The following RYR1 variants were observed in gnomAD, a reference collection of about 807,000 sequenced individuals.
RYR1 encodes ryanodine receptor 1.
RYR1 carries 342 observed loss-of-function variants against 583.5 expected under a neutral mutation model. That is an observed-to-expected ratio of 0.59 (90% confidence interval 0.54 to 0.64). RYR1 has a LOEUF of 0.64. RYR1 is among the 30% of genes least tolerant of loss of function. The pLI is 0.00. For missense variants in RYR1, 6,032 were observed against 6,917.2 expected (o/e 0.87, Z 4.54); for synonymous variants, 2,791 against 2,822.5 (o/e 0.99, Z 0.35).
chr19:38,571,885 C>T (rs1227757472), intron 94 of RYR1, 134 bp from the exon 95 acceptor site: 3 of 1,341,464 alleles, frequency 2.2e-6, no homozygotes, highest in Non-Finnish European at 3.1e-6. Flanking sequence ...AGGCCCAACC[C>T]TTGATCTTGA....
intron 33 of RYR1, among the ~76,000 whole-genome samples, chr19:38,484,517 C>T (rs1969184471): frequency 7.0e-6 from 1 of 143,544 alleles, no homozygotes; most frequent in African/African-American, 2.8e-5. Flanking sequence ...TTGGGTCCCT[C>T]CTATGTGCTA....
rs2145351914 is a variant in RYR1 at position 38,446,689 on chromosome 19, C to T, written c.726-5C>T. ...CCTTGACTTCACTCTCTTCTGTGTC[C>T]CCAGACTTGTCTACTATGAGGGGGG... On this transcript the variant is annotated splice_polypyrimidine_tract_variant and splice_region_variant and intron_variant, in intron 8 of 105. Transcript: ENST00000359596. 2 of 1,613,732 alleles carry T rather than the reference C, an allele frequency of 1.2e-6. No individual in the cohort carries two copies. The highest frequency in any genetic ancestry group is 1.7e-6 in the Non-Finnish European group (2 of 1,179,710).
chr19:38,531,640 C>T (rs1971744633), intron 76 of RYR1, among the ~76,000 whole-genome samples: 1 of 152,144 alleles, frequency 6.6e-6, no homozygotes, highest in Non-Finnish European at 1.5e-5. Flanking sequence ...GCAAACCTCA[C>T]TGAATGGGCC....
rs1267493068 is a variant in RYR1 at position 38,569,618 on chromosome 19, C to A, written c.13660-989C>A. On this transcript the variant is annotated intron_variant, in intron 93 of 105. Transcript: ENST00000359596. ...CAGGGCGACAGGTGGGGTGACCTCA[C>A]TCAGGAAGCAGCATGGCCAAGTGGC... Among the ~76,000 whole-genome samples the A allele has an allele frequency of 2.0e-5, 3 of 152,062 alleles. No individual in the cohort carries two copies. The South Asian group carries it at 6.2e-4, about 32-fold the overall frequency.
chr19:38,441,773 T>C (rs1018489508), intron 2 of RYR1, among the ~76,000 whole-genome samples: 3 of 151,916 alleles, frequency 2.0e-5, no homozygotes, highest in African/African-American at 7.2e-5. Context: ...GAGTGGGGTC[T>C]GAGGAGCAGA....
At chr19:38,554,327 C>A in intron 89 of RYR1, among the ~76,000 whole-genome samples, 1 of 149,604 alleles carries the variant, frequency 6.7e-6, no homozygotes, top group Non-Finnish European at 1.5e-5. Flanking sequence ...TGGCATGCAC[C>A]TGTAATCCCA....
chr19:38,583,163 G>C (rs1005198885), intron 101 of RYR1, among the ~76,000 whole-genome samples: 2 of 152,040 alleles, frequency 1.3e-5, no homozygotes, highest in African/African-American at 4.8e-5. Flanking sequence ...GGGATGTGGT[G>C]GTGGGCGCCT....
chr19:38,543,409 A>G lies in RYR1; in HGVS notation c.11752A>G (p.Thr3918Ala). 6.2e-7 allele frequency: 1 copy of G among 1,614,230 alleles called. No homozygotes were observed. Among genetic ancestry groups the G allele is most frequent in the Non-Finnish European group, 8.5e-7 (1 of 1,180,048 alleles). ...NTTTINIIIC[T>A]VDYLLRLQES... is the part of the protein sequence containing the mutation. ...GACCACTATTAACATCATCATTTGC[A>G]CTGTGGACTACCTCCTGCGGCTGCA... Residue 3918 changes from threonine to alanine, a missense_variant, in exon 85 of 106, where the codon ACT becomes GCT. Physicochemically the swap from Thr to Ala is moderately conservative, Grantham distance 58. Coordinates refer to ENST00000359596, the MANE Select transcript of RYR1 (RefSeq NM_000540.3). This position sits in a 1 kb window ranked among gnomAD's most constrained non-coding sequence, Gnocchi z 4.4.
chr19:38,451,198 C>T (rs1490171670), intron 11 of RYR1, among the ~76,000 whole-genome samples: 1 of 152,172 alleles, frequency 6.6e-6, no homozygotes, highest in African/African-American at 2.4e-5. Context: ...GAGCCAAGGG[C>T]GTAGAGACGG....
At position 38,561,207 on chromosome 19, in the gene RYR1, A is replaced by G. The variant is rs1973119974; in HGVS notation, c.12377A>G (p.Glu4126Gly). 5 of 1,614,180 alleles carry G rather than the reference A, an allele frequency of 3.1e-6. No homozygotes were observed. Among genetic ancestry groups the G allele is most frequent in the Non-Finnish European group, 4.2e-6 (5 of 1,180,038 alleles). The change falls in exon 90 of 106, where the codon GAG becomes GGG. Residue 4126 changes from glutamate (E) to glycine (G), a missense_variant. Glu to Gly is a moderately conservative substitution (Grantham distance 98, BLOSUM62 -2). Around this residue, in one of 11 missense-constraint regions of RYR1, gnomAD observed 753 missense variants for 759.6 expected, o/e 0.99. Transcript: ENST00000359596. The surrounding 1 kb of genome is among the most constrained non-coding windows in gnomAD (Gnocchi z 4.8). Reference sequence around the variant, plus strand: ...GAGAACGAAATGATCAACTGCGAAGAGTTCGCCAACCGCTTCCAGGAGCCA... The same window carrying G: ...GAGAACGAAATGATCAACTGCGAAGGGTTCGCCAACCGCTTCCAGGAGCCA... ...ADENEMINCE[E>G]FANRFQEPAR... is the part of the protein sequence containing the mutation.
chr19:38,444,896 T>C lies in RYR1; in HGVS notation c.631+219T>C, dbSNP rs1400929610. Among the ~76,000 whole-genome samples the C allele has an allele frequency of 6.7e-6, 1 of 148,652 alleles. No individual in the cohort carries two copies. Among genetic ancestry groups the C allele is most frequent in the Admixed American group, 6.7e-5 (1 of 14,954 alleles). Reference sequence around the variant, plus strand: ...GAACTAAATATCAGGCTCCCAAACTTAGACCCCAAAGTATTAGCCCCCAAG... The same window carrying C: ...GAACTAAATATCAGGCTCCCAAACTCAGACCCCAAAGTATTAGCCCCCAAG... On this transcript the variant is annotated intron_variant, in intron 7 of 105. Transcript: ENST00000359596. The surrounding 1 kb of genome is among the most constrained non-coding windows in gnomAD (Gnocchi z 5.1).
At chr19:38,507,410 A>G (rs1312717980) in intron 57 of RYR1, among the ~76,000 whole-genome samples, 2 of 127,720 alleles carry the variant, frequency 1.6e-5, no homozygotes, top group Admixed American at 8.0e-5. Flanking sequence ...AGGGGCGGGG[A>G]CTGGTGAGTG....
chr19:38,453,351 C>CCGGGGAGG (rs1967191432), intron 13 of RYR1, among the ~76,000 whole-genome samples: 3 of 151,178 alleles, frequency 2.0e-5, no homozygotes, highest in Non-Finnish European at 2.9e-5. Context: ...AGGGTGAGGC[C>CCGGGGAGG]TGGGGAGGTG....
At chr19:38,549,875 T>TG (rs1972589062) in intron 89 of RYR1, among the ~76,000 whole-genome samples, 9 of 122,188 alleles carry the variant, frequency 7.4e-5, no homozygotes, top group Non-Finnish European at 1.3e-4. Flanking sequence ...CCAGCTAAAT[T>TG]TGTGTGTGTG....
In RYR1 at chr19:38,459,204, G is replaced by A. The variant is rs1471640826; in HGVS notation, c.2226G>A (p.Val742=). The A allele has an allele frequency of 1.2e-6, 2 of 1,614,124 alleles. No individual in the cohort carries two copies. The highest frequency in any genetic ancestry group is 1.7e-5 in the Admixed American group (1 of 60,022). Residue 742 remains valine, a synonymous_variant, in exon 19 of 106, where the codon GTG becomes GTA. Transcript: ENST00000359596. ...AGCACCTCCTGGCCCCTGAAGACGT[G>A]ATCAGCTGCTGCCTGGACCTCAGCG... ...PGQHLLAPED[V]ISCCLDLSVP...
intron 24 of RYR1, 55 bp downstream of exon 24, chr19:38,466,453 C>CCCCGAT (rs957924209): frequency 5.1e-5 from 77 of 1,500,896 alleles, no homozygotes; most frequent in Non-Finnish European, 6.9e-5. Flanking sequence ...CTGACCCCAG[C>CCCCGAT]CCCGATCCCT....
intron 99 of RYR1, among the ~76,000 whole-genome samples, chr19:38,579,193 A>G (rs1974089127): frequency 6.6e-6 from 1 of 152,126 alleles, no homozygotes; most frequent in African/African-American, 2.4e-5. Flanking sequence ...TGGGAGGCCG[A>G]GGTGGGTGGA....
At chr19:38,436,589 A>G (rs190376402) in intron 1 of RYR1, among the ~76,000 whole-genome samples, 244 of 152,278 alleles carry the variant, frequency 1.6e-3, no homozygotes, top group Non-Finnish European at 2.7e-3. Context: ...GTTGCCGAAT[A>G]TTATTCCATT....
chr19:38,514,995 A>T, intron 63 of RYR1, 31 bp from the exon 64 acceptor site: 1 of 1,553,706 alleles, frequency 6.4e-7, no homozygotes, highest in Non-Finnish European at 8.9e-7. Context: ...TTGTGAGCGC[A>T]TGCCGCAGCC....
Sources: allele counts gnomAD v4.1 joint callset (sites outside exome capture counted in the v4.1 genomes callset), GRCh38; gene constraint gnomAD v4.1.1; regional missense constraint gnomAD v4.1.1; non-coding constraint Gnocchi (gnomAD v3.1); transcripts MANE v1.5; gene names NCBI Gene and HGNC (gene_info 2026-07-23, HGNC 2026-07-21).